The following GRTP1 variants were observed in gnomAD, a reference collection of about 807,000 sequenced individuals.
GRTP1 encodes the protein growth hormone regulated TBC protein 1.
Under a neutral mutation model 38.1 loss-of-function variants are expected in GRTP1, and 56 were observed. That is an observed-to-expected ratio of 1.47 (90% CI 1.19 to 1.84). The LOEUF (loss-of-function observed/expected upper bound fraction) is 1.84, where lower values mean the gene tolerates loss of function less well. GRTP1 is among the 40% of genes most tolerant of loss of function. The pLI, the probability that GRTP1 is intolerant of heterozygous loss-of-function variation, is 0.00. For missense variants in GRTP1, 506 were observed against 453.9 expected (o/e 1.11, Z -1.04); for synonymous variants, 217 against 189.5 (o/e 1.14, Z -1.19).
intron 3 of GRTP1, among the ~76,000 whole-genome samples, chr13:113,352,314 TTATA>T (rs1265950511): frequency 4.2e-5 from 2 of 48,188 alleles, no homozygotes; most frequent in African/African-American, 1.2e-4. Flanking sequence ...TATATATATT[TTATA>T]TATATTTTTA....
At chr13:113,339,000 G>T (rs1352883653) in intron 5 of GRTP1, among the ~76,000 whole-genome samples, 1 of 143,934 alleles carries the variant, frequency 6.9e-6, no homozygotes, top group Non-Finnish European at 1.5e-5. Context: ...TGCAACCTCT[G>T]CCTCCCAGGT....
chr13:113,355,719 T>A, intron 2 of GRTP1: 1 of 373,682 alleles, frequency 2.7e-6, no homozygotes, highest in South Asian at 7.5e-5. Context: ...CACGCCCACT[T>A]CACCATTCAA....
rs1352622186 is a variant in GRTP1 at position 113,363,929 on chromosome 13, G to C, written c.33-19C>G. On this transcript the variant is annotated intron_variant, in intron 1 of 7. Transcript: ENST00000375431. Reference sequence around the variant, plus strand: ...GTCGATCCTGCAAAACCGAGAGAAGGAGGCCGGCGTCCCCGAAGTTTCCTC... The same window carrying C: ...GTCGATCCTGCAAAACCGAGAGAAGCAGGCCGGCGTCCCCGAAGTTTCCTC... 1 of 1,606,508 alleles carries C rather than the reference G, an allele frequency of 6.2e-7. No individual in the cohort carries two copies. Among genetic ancestry groups the C allele is most frequent in the Non-Finnish European group, 8.5e-7 (1 of 1,176,680 alleles).
In GRTP1 at chr13:113,343,900, C is replaced by T. The variant is rs2043061564; in HGVS notation, c.562+963G>A. ...TGGTCTCAGCCCCAGGCCCTGCCCA[C>T]CCGACTGATCCTCAGCTTCTCTTCC... On this transcript the variant is annotated intron_variant, in intron 5 of 7. Coordinates refer to ENST00000375431, the MANE Select transcript of GRTP1 (RefSeq NM_024719.4). The surrounding 1 kb of genome is among the most constrained non-coding windows in gnomAD (Gnocchi z 4.8). 6.6e-6 allele frequency among the ~76,000 whole-genome samples: 1 copy of T among 152,224 alleles called. No individual in the cohort carries two copies. Among genetic ancestry groups the T allele is most frequent in the Non-Finnish European group, 1.5e-5 (1 of 68,036 alleles).
Position 113,350,879 on chromosome 13 carries a change from C to T in GRTP1, c.435G>A (p.Gly145=), listed in dbSNP as rs774412765. The stretch of plus-strand genomic sequence containing the variant: ...AGTAGCCCACTCCCTGGTTATGGTG[C>T]CCATATGCCAGCAGCACATTGTACA... The part of the protein sequence containing the change: ...RTLYNVLLAY[G]HHNQGVGYCQ... The change falls in exon 4 of 8, where the codon GGG becomes GGA. Residue 145 remains glycine (G), a synonymous_variant. Coordinates refer to ENST00000375431, the MANE Select transcript of GRTP1 (RefSeq NM_024719.4). 5.7e-6 allele frequency: 9 copies of T among 1,589,624 alleles called. No homozygotes were observed. The South Asian group carries it at 8.9e-5, about 16-fold the overall frequency.
intron 5 of GRTP1, among the ~76,000 whole-genome samples, chr13:113,326,331 G>A (rs1384525504): frequency 2.7e-5 from 4 of 148,560 alleles, no homozygotes; most frequent in South Asian, 2.2e-4. Context: ...GCTGGATGCC[G>A]CCTGGCTGGG....
Position 113,342,683 on chromosome 13 carries a change from G to T in GRTP1, c.562+2180C>A, listed in dbSNP as rs1439378871. On this transcript the variant is annotated intron_variant, in intron 5 of 7. Coordinates refer to ENST00000375431, the MANE Select transcript of GRTP1 (RefSeq NM_024719.4). This position sits in a 1 kb window ranked among gnomAD's most constrained non-coding sequence, Gnocchi z 4.5. ...AGCAGGATGACTGTGGCACTGAAAC[G>T]ACCTACTTCGGTCACTGTAACTTAG... Among the ~76,000 whole-genome samples the T allele has an allele frequency of 1.3e-5, 2 of 152,094 alleles. No individual in the cohort carries two copies. The highest frequency in any genetic ancestry group is 2.9e-5 in the Non-Finnish European group (2 of 68,032).
intron 3 of GRTP1, among the ~76,000 whole-genome samples, chr13:113,352,337 T>TTATATATATATTTATGTATATTTTATA (rs2043296173): frequency 1.9e-5 from 1 of 51,560 alleles, no homozygotes; most frequent in South Asian, 5.5e-4. Flanking sequence ...TATATATATT[T>TTATATATATATTTATGTATATTTTATA]TATATATATA....
chr13:113,364,076 C>A lies in GRTP1; in HGVS notation c.-25G>T, dbSNP rs1374887882. The stretch of plus-strand genomic sequence containing the variant: ...TGCGGGGAGGGAGGCGCGCACCGAG[C>A]GAGGCCAGCGGGTCCCAAGTTCGCC... On this transcript the variant is annotated 5_prime_UTR_variant, in exon 1 of 8. Coordinates refer to ENST00000375431, the MANE Select transcript of GRTP1 (RefSeq NM_024719.4). 8.0e-7 allele frequency: 1 copy of A among 1,247,066 alleles called. No homozygotes were observed. The highest frequency in any genetic ancestry group is 1.0e-6 in the Non-Finnish European group (1 of 1,001,056). The allele number at this position is 1,247,066 out of a possible 1,614,324, so 77.3% of individuals were successfully genotyped here.
At chr13:113,338,825 C>A (rs2042989798) in intron 5 of GRTP1, among the ~76,000 whole-genome samples, 1 of 152,090 alleles carries the variant, frequency 6.6e-6, no homozygotes, top group Non-Finnish European at 1.5e-5. Context: ...GTCTGCTGGC[C>A]ATTCCGGTCT....
intron 5 of GRTP1, among the ~76,000 whole-genome samples, chr13:113,332,274 ACACACGTGCACACACACAC>A (rs1289873479): frequency 5.4e-5 from 8 of 149,462 alleles, no homozygotes; most frequent in African/African-American, 7.5e-5. Context: ...ACACACAGGT[ACACACGTGCACACACACAC>A]CACACGTGCA....
At chr13:113,329,325 C>T (rs1014186591) in intron 5 of GRTP1, among the ~76,000 whole-genome samples, 1 of 152,162 alleles carries the variant, frequency 6.6e-6, no homozygotes, top group African/African-American at 2.4e-5. Flanking sequence ...CACCTGTAAT[C>T]GCAGCACTTT....
chr13:113,326,777 G>A (rs140329605), intron 5 of GRTP1, among the ~76,000 whole-genome samples: 116 of 152,300 alleles, frequency 7.6e-4, no homozygotes, highest in African/African-American at 2.7e-3. Context: ...AGAGATGGAG[G>A]CAACCCACGT....
intron 5 of GRTP1, among the ~76,000 whole-genome samples, chr13:113,330,439 T>C: frequency 7.6e-6 from 1 of 131,172 alleles, no homozygotes; most frequent in Non-Finnish European, 1.6e-5. Context: ...AGCCCGGGTG[T>C]GTGCATGGGA....
chr13:113,331,739 T>A (rs765548802), intron 5 of GRTP1, among the ~76,000 whole-genome samples: 17 of 135,340 alleles, frequency 1.3e-4, no homozygotes, highest in Non-Finnish European at 2.2e-4. Flanking sequence ...CACTGCAACC[T>A]CCGCCTCCCA....
intron 5 of GRTP1, chr13:113,339,771 G>C (rs1008285393): frequency 6.6e-6 from 1 of 152,068 alleles, no homozygotes; most frequent in African/African-American, 2.4e-5. Context: ...AGCCTTCTTG[G>C]CTTGGCTTTG....
chr13:113,339,731 TTATAA>T (rs2043001044), intron 5 of GRTP1: 1 of 152,258 alleles, frequency 6.6e-6, no homozygotes, highest in Admixed American at 6.5e-5. Context: ...TATTAGAGCA[TTATAA>T]TATATCTCTA....
chr13:113,356,326 G>A (rs2043385576), intron 2 of GRTP1, among the ~76,000 whole-genome samples: 1 of 151,934 alleles, frequency 6.6e-6, no homozygotes, highest in South Asian at 2.1e-4. Flanking sequence ...GGAGTGCAGT[G>A]GTGCAATCTT....
At chr13:113,331,760 A>T (rs1392270948) in intron 5 of GRTP1, among the ~76,000 whole-genome samples, 1 of 144,128 alleles carries the variant, frequency 6.9e-6, no homozygotes, top group Non-Finnish European at 1.5e-5. Context: ...GGTTAAAGCG[A>T]TTCTCCTGCC....
Sources: gnomAD v4.1 joint callset for allele counts (sites outside exome capture counted in the v4.1 genomes callset) on GRCh38, gnomAD v4.1.1 for gene constraint, Gnocchi (gnomAD v3.1) non-coding constraint, MANE v1.5 for transcripts, NCBI Gene and HGNC (gene_info 2026-07-23, HGNC 2026-07-21) for gene names.